AGAP9: variants seen among roughly 807,000 people sequenced by gnomAD.
The protein encoded by AGAP9 is ArfGAP with GTPase domain, ankyrin repeat and PH domain 9.
Under a neutral mutation model 55.6 loss-of-function variants are expected in AGAP9, and 23 were observed. The ratio of observed to expected loss-of-function variants is 0.41; its 90% confidence interval spans 0.30 to 0.59. The LOEUF (loss-of-function observed/expected upper bound fraction) is 0.59. Among genes scored for constraint, AGAP9 ranks in the 20% least tolerant of loss-of-function variants. The probability of loss-of-function intolerance (pLI) is 0.25; values close to 1 mark genes in which losing one functional copy is unlikely to be tolerated. For synonymous variants in AGAP9, 120 were observed against 305.0 expected, an observed-to-expected ratio of 0.39 and a Z score of 6.32; for missense variants, 309 against 808.1, an observed-to-expected ratio of 0.38 and a Z score of 7.49.
chr10:47,502,332 GTCC>G lies in AGAP9; in HGVS notation c.1794_1796del (p.Glu598del). 6.2e-7 allele frequency: 1 copy of G among 1,602,428 alleles called. No homozygotes were observed. Among genetic ancestry groups the G allele is most frequent in the Non-Finnish European group, 8.5e-7 (1 of 1,176,878 alleles). ...CCAGCAGCAGGATGGCTGTCTGCAG[GTCC>G]TCATCAGTGGTGGCCCGCAGCAGCT... On this transcript the variant is annotated inframe_deletion, in exon 8 of 8. Coordinates refer to ENST00000452145, the MANE Select transcript of AGAP9 (RefSeq NM_001190810.1).
intron 2 of AGAP9, among the ~76,000 whole-genome samples, chr10:47,522,066 C>T (rs1426245809): frequency 9.3e-5 from 14 of 150,700 alleles, no homozygotes; most frequent in African/African-American, 2.2e-4. Flanking sequence ...GGATTACAGG[C>T]GTGAGCCACC....
chr10:47,519,412 G>A (rs1302274887), intron 3 of AGAP9, among the ~76,000 whole-genome samples: 1 of 120,056 alleles, frequency 8.3e-6, no homozygotes, highest in Non-Finnish European at 1.7e-5. Flanking sequence ...AGGTTGTAGT[G>A]AGCCAAGATT....
chr10:47,513,591 C>G (rs1840673735), intron 4 of AGAP9, among the ~76,000 whole-genome samples: 1 of 140,136 alleles, frequency 7.1e-6, no homozygotes, highest in Non-Finnish European at 1.5e-5. Context: ...CAAAACTAAG[C>G]AAAAACAACA....
At chr10:47,519,888 C>T (rs1217136209) in intron 3 of AGAP9, among the ~76,000 whole-genome samples, 1 of 544 alleles carries the variant, frequency 1.8e-3, no homozygotes, top group African/African-American at 8.5e-3. Context: ...GGCTTGTTGG[C>T]AAATAAATGA....
chr10:47,507,096 CT>C lies in AGAP9; in HGVS notation c.533+451del, dbSNP rs1471506896. Among the ~76,000 whole-genome samples, 10 of 138,326 alleles carry C rather than the reference CT, an allele frequency of 7.2e-5. 3 individuals are homozygous for C. The East Asian group carries it at 2.4e-3, about 33-fold the overall frequency. 90.7% of individuals were successfully genotyped at this position (138,326 alleles called of 152,430 possible). Reference sequence around the variant, plus strand: ...AAAGTTTTTTTTCAATGAAAAACTTCTGTTAACAATACTGTTCTCAAGGAAT... The same window carrying C: ...AAAGTTTTTTTTCAATGAAAAACTTCGTTAACAATACTGTTCTCAAGGAAT... On this transcript the variant is annotated intron_variant, in intron 6 of 7. Transcript: ENST00000452145.
In AGAP9 at chr10:47,510,785, G is replaced by A. The variant is rs1170832857; in HGVS notation, c.397-514C>T. 2.9e-5 allele frequency among the ~76,000 whole-genome samples: 3 copies of A among 101,700 alleles called. 1 individual carries two copies. The highest frequency in any genetic ancestry group is 1.0e-4 in the Admixed American group (1 of 9,892). The allele number at this position is 101,700 out of a possible 152,430, so 66.7% of individuals were successfully genotyped here. On this transcript the variant is annotated intron_variant, in intron 4 of 7. Coordinates refer to ENST00000452145, the MANE Select transcript of AGAP9 (RefSeq NM_001190810.1). ...GCAGAGCTTGCAGTGAGCCGAGTTC[G>A]CGCCACTGCACTCCAGGCCGGGAGA...
chr10:47,519,063 T>C (rs1840767853), intron 3 of AGAP9, among the ~76,000 whole-genome samples: 1 of 136,052 alleles, frequency 7.4e-6, no homozygotes, highest in Admixed American at 7.5e-5. Flanking sequence ...ACCCTTAATG[T>C]TGGAGACAGG....
intron 4 of AGAP9, among the ~76,000 whole-genome samples, chr10:47,513,280 G>A (rs1397758911): frequency 1.5e-3 from 218 of 141,670 alleles, no homozygotes; most frequent in African/African-American, 5.5e-3. Flanking sequence ...TGATCCGTCC[G>A]CCTCAGCCTC....
intron 6 of AGAP9, among the ~76,000 whole-genome samples, chr10:47,506,620 G>A (rs1277434614): frequency 1.8e-4 from 26 of 141,190 alleles, no homozygotes; most frequent in African/African-American, 5.9e-4. Context: ...GTGAACCACT[G>A]CGCCCCACCA....
chr10:47,516,823 G>A (rs1208370484), intron 4 of AGAP9, among the ~76,000 whole-genome samples: 1 of 129,590 alleles, frequency 7.7e-6, no homozygotes, highest in Admixed American at 7.6e-5. Flanking sequence ...ATAGGCAAAT[G>A]AATATAGTCA....
intron 2 of AGAP9, among the ~76,000 whole-genome samples, chr10:47,521,102 TTTTCA>T (rs1216107142): frequency 8.3e-6 from 1 of 119,814 alleles, no homozygotes; most frequent in Non-Finnish European, 1.7e-5. Context: ...TATCTCTAAG[TTTTCA>T]TTTCTTCATT....
At position 47,510,069 on chromosome 10, in the gene AGAP9, T is replaced by C. The variant is rs1840572231; in HGVS notation, c.497+102A>G. The C allele has an allele frequency of 6.7e-6, 10 of 1,488,548 alleles. 3 individuals carry two copies. Among genetic ancestry groups the C allele is most frequent in the Middle Eastern group, 5.1e-4 (2 of 3,956 alleles). The allele number at this position is 1,488,548 out of a possible 1,614,324, so 92.2% of individuals were successfully genotyped here. ...TCAGAATCTGAATATCAATATATGG[T>C]TGACTCCAATTTCTTAAGCTGATTG... On this transcript the variant is annotated intron_variant, in intron 5 of 7. Coordinates refer to ENST00000452145, the MANE Select transcript of AGAP9 (RefSeq NM_001190810.1).
intron 4 of AGAP9, among the ~76,000 whole-genome samples, 163 bp from the exon 5 acceptor site, chr10:47,510,434 CAG>C (rs1308719921): frequency 7.1e-6 from 1 of 140,376 alleles, no homozygotes; most frequent in Non-Finnish European, 1.5e-5. Flanking sequence ...TCTCAACTTC[CAG>C]AGATGATGTT....
chr10:47,505,515 C>A (rs1454304835), intron 6 of AGAP9, among the ~76,000 whole-genome samples: 1 of 138,066 alleles, frequency 7.2e-6, no homozygotes, highest in South Asian at 2.4e-4. Context: ...TTAAAGAATC[C>A]GTGATTTAAC....
chr10:47,507,984 AC>A (rs1225284653), intron 5 of AGAP9, among the ~76,000 whole-genome samples: 2 of 110,780 alleles, frequency 1.8e-5, no homozygotes, highest in Non-Finnish European at 3.7e-5. Context: ...AACCTCCACC[AC>A]CCAGGTTCAA....
At position 47,502,386 on chromosome 10, in the gene AGAP9, G is replaced by A. The variant is rs1840368797; in HGVS notation, c.1743C>T (p.Pro581=). 1.2e-6 allele frequency: 2 copies of A among 1,609,780 alleles called. No individual in the cohort carries two copies. Among genetic ancestry groups the A allele is most frequent in the Non-Finnish European group, 1.7e-6 (2 of 1,179,582 alleles). ...YEEKLFLAPL[P]CTELSLGQQL... is the part of the protein sequence containing the mutation. ...GCTGGCCCAGGGACAGCTCAGTGCA[G>A]GGTAGTGGGGCCAGAAAGAGCTTCT... The change falls in exon 8 of 8, where the codon CCC becomes CCT. Residue 581 remains proline (P), a synonymous_variant. Coordinates refer to ENST00000452145, the MANE Select transcript of AGAP9 (RefSeq NM_001190810.1).
In AGAP9 at chr10:47,516,789, TG is replaced by T. The variant is rs1320198433; in HGVS notation, c.396+1033del. ...GGCATGTGATAAATGCTACAATACTTGGGGGAAAAACAGCTATTAGAAAATA... is the reference window on the plus strand; with the variant it reads ...GGCATGTGATAAATGCTACAATACTTGGGGAAAAACAGCTATTAGAAAATA... On this transcript the variant is annotated intron_variant, in intron 4 of 7. Transcript: ENST00000452145. 1.4e-4 allele frequency among the ~76,000 whole-genome samples: 18 copies of T among 130,224 alleles called. 3 individuals are homozygous for T. Among genetic ancestry groups the T allele is most frequent in the Non-Finnish European group, 2.5e-4 (16 of 64,942 alleles). The allele number at this position is 130,224 out of a possible 152,430, so 85.4% of individuals were successfully genotyped here.
intron 5 of AGAP9, 97 bp downstream of exon 5, chr10:47,510,074 T>TC: frequency 6.1e-6 from 9 of 1,485,584 alleles, no homozygotes; most frequent in Non-Finnish European, 8.1e-6. Context: ...TATGGTTGAC[T>TC]CCAATTTCTT....
At position 47,502,436 on chromosome 10, in the gene AGAP9, A is replaced by C; in HGVS notation, c.1693T>G (p.Trp565Gly). ...TCCTCATATTTGGAACGGATCCACC[A>C]TTCCTTCTCTTCCCTCGTGGACTTT... ...SIKSTREEKE[W>G]WIRSKYEEKL... Residue 565 changes from tryptophan (W) to glycine (G), a missense_variant, in exon 8 of 8, where the codon TGG becomes GGG. By Grantham distance (184) the Trp-to-Gly change is radical. Transcript: ENST00000452145. The C allele has an allele frequency of 1.9e-6, 3 of 1,571,346 alleles. No individual in the cohort carries two copies. Among genetic ancestry groups the C allele is most frequent in the South Asian group, 2.2e-5 (2 of 89,750 alleles).
Sources: allele counts gnomAD v4.1 joint callset (sites outside exome capture counted in the v4.1 genomes callset), GRCh38; gene constraint gnomAD v4.1.1; transcripts MANE v1.5; gene names NCBI Gene and HGNC (gene_info 2026-07-23, HGNC 2026-07-21).